EXOC4: variants seen among roughly 807,000 people sequenced by gnomAD.
EXOC4 encodes SEC8-like 1.
EXOC4 carries 71 observed loss-of-function variants against 107.2 expected under a neutral mutation model. The observed-to-expected ratio is 0.66, with a 90% CI of 0.55 to 0.81. EXOC4 has a LOEUF of 0.81. EXOC4 is among the 30% of genes least tolerant of loss of function. The pLI, the probability that EXOC4 is intolerant of heterozygous loss-of-function variation, is 0.00. For synonymous variants in EXOC4, 456 were observed against 441.2 expected, an observed-to-expected ratio of 1.03 and a Z score of -0.42; for missense variants, 1,108 against 1,189.6, an observed-to-expected ratio of 0.93 and a Z score of 1.01.
In EXOC4 at chr7:133,417,260, C is replaced by T. The variant is rs907523220; in HGVS notation, c.1182+42258C>T. Reference sequence around the variant, plus strand: ...TAGGCACTAAAGAGTCTAAGAAAGGCAGGTTCCTGCCCAGTCAAAAGAAAT... The same window carrying T: ...TAGGCACTAAAGAGTCTAAGAAAGGTAGGTTCCTGCCCAGTCAAAAGAAAT... On this transcript the variant is annotated intron_variant, in intron 7 of 17. Coordinates refer to ENST00000253861, the MANE Select transcript of EXOC4 (RefSeq NM_021807.4). Among the ~76,000 whole-genome samples the T allele has an allele frequency of 1.3e-5, 2 of 152,272 alleles. 1 individual carries two copies. Among genetic ancestry groups the T allele is most frequent in the South Asian group, 4.1e-4 (2 of 4,824 alleles).
At chr7:134,075,319 G>A in the EXOC4 span, among the ~76,000 whole-genome samples, 30 of 152,266 alleles carry the variant, frequency 2.0e-4, no homozygotes, top group African/African-American at 7.0e-4. Context: ...CAGGAATATA[G>A]TAGGATTGCA....
chr7:133,533,505 T>C (rs1800219154), intron 9 of EXOC4, among the ~76,000 whole-genome samples: 1 of 152,138 alleles, frequency 6.6e-6, no homozygotes, highest in Admixed American at 6.6e-5. Context: ...GGCTAGTTTA[T>C]GTAGAGCTTA....
chr7:133,571,086 A>C (rs774520972), intron 9 of EXOC4, among the ~76,000 whole-genome samples: 2 of 152,232 alleles, frequency 1.3e-5, no homozygotes, highest in Non-Finnish European at 2.9e-5. Context: ...ATCTTCTAGA[A>C]GATACAACTT....
At chr7:133,372,312 T>C (rs1796394854) in intron 6 of EXOC4, among the ~76,000 whole-genome samples, 1 of 152,130 alleles carries the variant, frequency 6.6e-6, no homozygotes, top group South Asian at 2.1e-4. Flanking sequence ...GCTGGAGGTC[T>C]CAAAAAAGGT....
intron 10 of EXOC4, among the ~76,000 whole-genome samples, chr7:133,639,385 C>A (rs563186675): frequency 6.6e-6 from 1 of 152,054 alleles, no homozygotes; most frequent in Non-Finnish European, 1.5e-5. Context: ...AACATTTGAT[C>A]ATTAATATTG....
At chr7:134,083,895 T>TG in the EXOC4 span, among the ~76,000 whole-genome samples, 7 of 152,226 alleles carry the variant, frequency 4.6e-5, no homozygotes, top group Non-Finnish European at 1.0e-4. Context: ...CAAGGTCTGA[T>TG]GCATACATCC....
chr7:133,337,411 C>G (rs1795542716), intron 5 of EXOC4, among the ~76,000 whole-genome samples: 1 of 151,860 alleles, frequency 6.6e-6, no homozygotes. Context: ...CACTTTTTTT[C>G]TTATAATTTT....
chr7:133,444,509 G>A (rs1798174518), intron 7 of EXOC4, among the ~76,000 whole-genome samples: 1 of 152,164 alleles, frequency 6.6e-6, no homozygotes, highest in Non-Finnish European at 1.5e-5. Context: ...GTCTTAGTGG[G>A]CATGTGGAGA....
intron 14 of EXOC4, among the ~76,000 whole-genome samples, chr7:133,962,667 T>A (rs2116842495): frequency 6.6e-6 from 1 of 152,364 alleles, no homozygotes; most frequent in Non-Finnish European, 1.5e-5. Flanking sequence ...TAAACAGATT[T>A]AAATTTAAGC....
intron 9 of EXOC4, among the ~76,000 whole-genome samples, chr7:133,538,190 T>G (rs987255161): frequency 1.8e-4 from 27 of 152,164 alleles, no homozygotes; most frequent in African/African-American, 6.0e-4. Context: ...GTACAAGAAT[T>G]GGAAAATAAG....
intron 8 of EXOC4, among the ~76,000 whole-genome samples, chr7:133,477,953 G>C (rs1799058514): frequency 6.6e-6 from 1 of 152,066 alleles, no homozygotes; most frequent in African/African-American, 2.4e-5. Flanking sequence ...TAGGTTTCCA[G>C]CTGGAGAGGA....
chr7:133,935,236 G>A (rs1241191270), intron 13 of EXOC4, among the ~76,000 whole-genome samples: 2 of 152,024 alleles, frequency 1.3e-5, no homozygotes, highest in Admixed American at 6.6e-5. Flanking sequence ...TTCATTCCAT[G>A]AAGAGAGAAG....
intron 12 of EXOC4, among the ~76,000 whole-genome samples, chr7:133,914,959 A>G (rs1799772791): frequency 6.6e-6 from 1 of 152,248 alleles, no homozygotes; most frequent in Admixed American, 6.5e-5. Flanking sequence ...GGAGATAAAG[A>G]AAAGAACAGA....
At chr7:134,073,602 C>T in the EXOC4 span, among the ~76,000 whole-genome samples, 1 of 152,036 alleles carries the variant, frequency 6.6e-6, no homozygotes, top group East Asian at 1.9e-4. Flanking sequence ...AATGTCAGCC[C>T]ATGGATTTCT....
chr7:133,767,064 T>G (rs578130315), intron 10 of EXOC4, among the ~76,000 whole-genome samples: 1 of 152,084 alleles, frequency 6.6e-6, no homozygotes, highest in South Asian at 2.1e-4. Context: ...CTCCTTCTTT[T>G]TGCATGCATA....
chr7:133,818,957 C>G (rs1797441741), intron 11 of EXOC4, among the ~76,000 whole-genome samples: 1 of 152,104 alleles, frequency 6.6e-6, no homozygotes, highest in Admixed American at 6.5e-5. Context: ...ATAGGCAGCA[C>G]AAGTAGAAGA....
At chr7:133,632,438 G>A (rs1253136062) in intron 10 of EXOC4, among the ~76,000 whole-genome samples, 1 of 152,182 alleles carries the variant, frequency 6.6e-6, no homozygotes, top group East Asian at 1.9e-4. Context: ...CTATGATGGA[G>A]TTTAAATTAG....
intron 5 of EXOC4, among the ~76,000 whole-genome samples, chr7:133,346,466 T>A (rs1442182316): frequency 6.6e-6 from 1 of 152,210 alleles, no homozygotes; most frequent in South Asian, 2.1e-4. Context: ...TTTTTAAATT[T>A]AATTATATTT....
chr7:133,276,642 A>G (rs1262221764), intron 2 of EXOC4, among the ~76,000 whole-genome samples: 1 of 152,112 alleles, frequency 6.6e-6, no homozygotes, highest in Non-Finnish European at 1.5e-5. Flanking sequence ...CCAAAGCATC[A>G]TACTTGGTTC....
Sources: gnomAD v4.1 joint callset for allele counts (sites outside exome capture counted in the v4.1 genomes callset) on GRCh38, gnomAD v4.1.1 for gene constraint, MANE v1.5 for transcripts, NCBI Gene and HGNC (gene_info 2026-07-23, HGNC 2026-07-21) for gene names.